Variants in SPMIP2 observed in about 807,000 individuals in gnomAD.
The protein encoded by SPMIP2 is protein SPMIP2.
chr4:158,955,235 A>T, the SPMIP2 span, among the ~76,000 whole-genome samples: 5 of 152,194 alleles, frequency 3.3e-5, no homozygotes. Flanking sequence ...TGCTGAAATC[A>T]TCTGTTACAT....
the SPMIP2 span, among the ~76,000 whole-genome samples, chr4:158,976,657 G>C: frequency 1.1e-5 from 1 of 93,810 alleles, no homozygotes; most frequent in Non-Finnish European, 2.0e-5. Context: ...GGATGGATAA[G>C]CATTTTTTTT....
At chr4:159,063,849 T>C in the SPMIP2 span, among the ~76,000 whole-genome samples, 1 of 152,236 alleles carries the variant, frequency 6.6e-6, no homozygotes. Flanking sequence ...GAGTGATTAA[T>C]GTTCAGTGGC....
chr4:158,917,720 C>CTTT, the SPMIP2 span, among the ~76,000 whole-genome samples: 1 of 70,286 alleles, frequency 1.4e-5, no homozygotes, highest in Non-Finnish European at 2.6e-5. Context: ...CACTATTTGA[C>CTTT]TTTTTTTTTT....
chr4:159,082,419 A>G, the SPMIP2 span, among the ~76,000 whole-genome samples: 4 of 149,994 alleles, frequency 2.7e-5, no homozygotes. Context: ...AGAAAAATGA[A>G]TAATCTAAAT....
the SPMIP2 span, among the ~76,000 whole-genome samples, chr4:159,062,616 C>T: frequency 6.6e-6 from 1 of 151,834 alleles, no homozygotes; most frequent in African/African-American, 2.4e-5. Flanking sequence ...GTCTTGAAAG[C>T]TTCTTGTGAT....
At chr4:158,984,077 T>C in the SPMIP2 span, among the ~76,000 whole-genome samples, 1 of 128,578 alleles carries the variant, frequency 7.8e-6, no homozygotes, top group Non-Finnish European at 1.6e-5. Flanking sequence ...AAGGGATCAA[T>C]TCAACAAGAA....
At chr4:159,066,903 T>C in the SPMIP2 span, among the ~76,000 whole-genome samples, 1 of 152,174 alleles carries the variant, frequency 6.6e-6, no homozygotes, top group Non-Finnish European at 1.5e-5. Context: ...CTGTAGGCAA[T>C]GTGTAAACAA....
the SPMIP2 span, among the ~76,000 whole-genome samples, chr4:159,078,305 T>C: frequency 6.6e-6 from 1 of 152,112 alleles, no homozygotes; most frequent in African/African-American, 2.4e-5. Flanking sequence ...AAATATCCCT[T>C]AAATAAATAA....
chr4:158,916,562 G>A, the SPMIP2 span, among the ~76,000 whole-genome samples: 1 of 152,166 alleles, frequency 6.6e-6, no homozygotes, highest in Non-Finnish European at 1.5e-5. Flanking sequence ...AGCATAGCAT[G>A]CAGGGAAGTT....
the SPMIP2 span, among the ~76,000 whole-genome samples, chr4:159,030,417 GA>G: frequency 1.1e-4 from 16 of 143,364 alleles, no homozygotes; most frequent in East Asian, 2.0e-4. Flanking sequence ...TCCCTCAAAA[GA>G]AAAAAAAAAG....
At chr4:159,080,372 ACACCAGGCTAAT>A in the SPMIP2 span, among the ~76,000 whole-genome samples, 1 of 151,970 alleles carries the variant, frequency 6.6e-6, no homozygotes, top group Admixed American at 6.6e-5. Flanking sequence ...ACAGGTTACC[ACACCAGGCTAAT>A]TAAAAAATTT....
At chr4:158,917,980 A>C in the SPMIP2 span, among the ~76,000 whole-genome samples, 2 of 152,014 alleles carry the variant, frequency 1.3e-5, no homozygotes, top group African/African-American at 2.4e-5. Context: ...CGGCCTCCCA[A>C]AGTGCTGGGA....
the SPMIP2 span, among the ~76,000 whole-genome samples, chr4:158,908,691 C>A: frequency 1.3e-5 from 2 of 152,080 alleles, no homozygotes; most frequent in African/African-American, 2.4e-5. Flanking sequence ...ATGCCTACTT[C>A]ATTATATTTT....
the SPMIP2 span, among the ~76,000 whole-genome samples, chr4:158,913,846 T>TAAAAA: frequency 7.4e-6 from 1 of 134,408 alleles, no homozygotes; most frequent in Non-Finnish European, 1.6e-5. Flanking sequence ...CCCCATATCT[T>TAAAAA]AAAAAAAAAA....
At chr4:158,953,384 C>T in the SPMIP2 span, among the ~76,000 whole-genome samples, 7 of 152,284 alleles carry the variant, frequency 4.6e-5, no homozygotes, top group East Asian at 1.9e-4. Flanking sequence ...GTTGAGCCTG[C>T]GAGTACACAT....
At chr4:159,021,088 T>C in the SPMIP2 span, among the ~76,000 whole-genome samples, 2 of 152,222 alleles carry the variant, frequency 1.3e-5, no homozygotes, top group Non-Finnish European at 2.9e-5. Flanking sequence ...AGGTCCACAG[T>C]GGTGCAGCAA....
the SPMIP2 span, among the ~76,000 whole-genome samples, chr4:158,952,626 G>A: frequency 6.6e-6 from 1 of 152,166 alleles, no homozygotes; most frequent in African/African-American, 2.4e-5. Context: ...TTCGAAACTG[G>A]GTAACAGGCA....
the SPMIP2 span, among the ~76,000 whole-genome samples, chr4:158,898,124 GT>G: frequency 3.9e-5 from 6 of 152,042 alleles, no homozygotes; most frequent in African/African-American, 1.4e-4. Flanking sequence ...TTTTTGTCAG[GT>G]TTGTCAAAGA....
At chr4:158,973,214 T>C in the SPMIP2 span, 35 of 1,613,666 alleles carry the variant, frequency 2.2e-5, no homozygotes, top group African/African-American at 3.9e-4. Context: ...TCCATAAATA[T>C]CTGAGATCTC....
Sources: gnomAD v4.1 joint callset for allele counts (sites outside exome capture counted in the v4.1 genomes callset) on GRCh38, gnomAD v4.1.1 for gene constraint, MANE v1.5 for transcripts, NCBI Gene and HGNC (gene_info 2026-07-23, HGNC 2026-07-21) for gene names.